The following DDHD2 variants were observed in gnomAD, a reference collection of about 807,000 sequenced individuals.
The protein encoded by DDHD2 is DDHD domain containing 2, also known as triacylglycerol hydrolase DDHD2.
DDHD2 carries 62 observed loss-of-function variants against 91.2 expected under a neutral mutation model. That is an observed-to-expected ratio of 0.68 (90% CI 0.55 to 0.84). DDHD2 has a LOEUF of 0.84. Among genes scored for constraint, DDHD2 ranks in the 40% least tolerant of loss-of-function variants. DDHD2 has a pLI of 0.00. For synonymous variants in DDHD2, 271 were observed against 293.9 expected, an observed-to-expected ratio of 0.92 and a Z score of 0.80; for missense variants, 740 against 846.9, an observed-to-expected ratio of 0.87 and a Z score of 1.57.
intron 5 of DDHD2, among the ~76,000 whole-genome samples, chr8:38,239,367 C>G (rs1805060981): frequency 1.5e-5 from 2 of 133,546 alleles, no homozygotes; most frequent in South Asian, 4.8e-4. Flanking sequence ...GAGTGAGACT[C>G]TGTCTCAAAA....
At chr8:38,269,123 T>TA in intron 1 of DDHD2, 2 of 1,523,192 alleles carry the variant, frequency 1.3e-6, no homozygotes, top group Non-Finnish European at 1.8e-6. Flanking sequence ...GGATCTTTCT[T>TA]ACAGGAAGGC....
downstream of DDHD2, chr8:38,264,254 TCTC>T: frequency 2.7e-6 from 2 of 742,096 alleles, no homozygotes; most frequent in Non-Finnish European, 3.7e-6. Flanking sequence ...TTCAAGCAAT[TCTC>T]CTACCTCAGC....
intron 5 of DDHD2, 182 bp downstream of exon 5, chr8:38,238,391 A>G: frequency 7.3e-7 from 1 of 1,372,116 alleles, no homozygotes; most frequent in South Asian, 1.5e-5. Context: ...ATGTAAAAAT[A>G]TCTTTTAAAA....
chr8:38,268,512 G>A, intron 1 of DDHD2: 2 of 1,543,912 alleles, frequency 1.3e-6, no homozygotes, highest in East Asian at 2.4e-5. Context: ...AGCCACACTC[G>A]TGCTCCTACA....
chr8:38,235,476 G>C (rs903686842), intron 3 of DDHD2, among the ~76,000 whole-genome samples: 1 of 151,622 alleles, frequency 6.6e-6, no homozygotes, highest in Admixed American at 6.6e-5. Flanking sequence ...AATCCCAGCA[G>C]TTTGGGGGGC....
At chr8:38,263,751 A>T, downstream of DDHD2, 1 of 985,444 alleles carries the variant, frequency 1.0e-6, no homozygotes, top group South Asian at 4.7e-5. Context: ...GCTATATGAA[A>T]TGGAAATTAA....
At position 38,237,599 on chromosome 8, in the gene DDHD2, G is replaced by A. The variant is rs753948540; in HGVS notation, c.473G>A (p.Arg158Lys). Residue 158 changes from arginine (R) to lysine (K), a missense_variant, in exon 4 of 18, where the codon AGA becomes AAA. Around this residue, in one of 2 missense-constraint regions of DDHD2, gnomAD observed 693 missense variants for 764.2 expected, o/e 0.91. Coordinates refer to ENST00000397166, the MANE Select transcript of DDHD2 (RefSeq NM_015214.3). ...EWKKKLESPNREIIILHNPKL... is the reference protein window; with the variant it reads ...EWKKKLESPNKEIIILHNPKL... ...AAAAAGAAACTGGAATCTCCCAACA[G>A]AGAAATTATTATTTTACACAATCCA... The A allele has an allele frequency of 6.9e-6, 11 of 1,588,130 alleles. No individual in the cohort carries two copies. The highest frequency in any genetic ancestry group is 1.8e-5 in the Admixed American group (1 of 55,838).
intron 1 of DDHD2, 47 bp downstream of exon 1, chr8:38,231,906 G>C (rs1364493900): frequency 6.5e-6 from 1 of 153,152 alleles, no homozygotes; most frequent in Non-Finnish European, 1.5e-5. Context: ...GGCCAGGCTG[G>C]GTGCAGGTGG....
At chr8:38,239,776 G>A (rs2130782334) in intron 5 of DDHD2, among the ~76,000 whole-genome samples, 1 of 147,768 alleles carries the variant, frequency 6.8e-6, no homozygotes, top group East Asian at 2.0e-4. Flanking sequence ...AGGCTGGAGT[G>A]CAGTGGTGTG....
downstream of DDHD2, among the ~76,000 whole-genome samples, chr8:38,265,816 T>C (rs1036241508): frequency 3.9e-5 from 6 of 152,252 alleles, no homozygotes; most frequent in East Asian, 1.9e-4. Context: ...ATTTTACTTA[T>C]GTTTTTGAAC....
chr8:38,239,336 T>C (rs2130779194), intron 5 of DDHD2, among the ~76,000 whole-genome samples: 1 of 145,454 alleles, frequency 6.9e-6, no homozygotes, highest in East Asian at 2.0e-4. Flanking sequence ...ATCATGCCAC[T>C]GCACTCCAGC....
At position 38,261,189 on chromosome 8, in the gene DDHD2, C is replaced by T. The variant is rs1445834090; in HGVS notation, c.*616C>T. 2 of 152,198 alleles carry T rather than the reference C, an allele frequency of 1.3e-5. No individual in the cohort carries two copies. Among genetic ancestry groups the T allele is most frequent in the African/African-American group, 4.8e-5 (2 of 41,446 alleles). 9.4% of individuals were successfully genotyped at this position (152,198 alleles called of 1,614,324 possible). On this transcript the variant is annotated 3_prime_UTR_variant, in exon 18 of 18. Transcript: ENST00000397166. ...GTGTTGTTTACTCTCTTAGAACTGACAGACTTATTGCCAGAAATCACTGAT... is the reference window on the plus strand; with the variant it reads ...GTGTTGTTTACTCTCTTAGAACTGATAGACTTATTGCCAGAAATCACTGAT...
downstream of DDHD2, chr8:38,266,066 A>G: frequency 1.4e-5 from 20 of 1,384,854 alleles, no homozygotes; most frequent in Non-Finnish European, 2.0e-5. Context: ...TTTAGTAAGC[A>G]TCTCCTCTGT....
intron 5 of DDHD2, among the ~76,000 whole-genome samples, chr8:38,239,798 C>T (rs1192785502): frequency 2.0e-5 from 3 of 146,958 alleles, no homozygotes; most frequent in Non-Finnish European, 4.5e-5. Flanking sequence ...TCTCGGCTCA[C>T]TGCAACCTCT....
intron 10 of DDHD2, among the ~76,000 whole-genome samples, chr8:38,248,874 G>C (rs1364679843): frequency 6.6e-6 from 1 of 150,752 alleles, no homozygotes; most frequent in African/African-American, 2.4e-5. Flanking sequence ...GAACCCAGGA[G>C]GTGGAGGTTG....
At chr8:38,263,954 A>T, downstream of DDHD2, 7 of 985,638 alleles carry the variant, frequency 7.1e-6, no homozygotes, top group Non-Finnish European at 8.4e-6. Flanking sequence ...CATGTGGCAT[A>T]CAGTAGTGGA....
At chr8:38,265,964 ACT>A (rs1371785344), downstream of DDHD2, among the ~76,000 whole-genome samples, 2 of 152,008 alleles carry the variant, frequency 1.3e-5, no homozygotes, top group Non-Finnish European at 1.5e-5. Context: ...TCTTTGGTAA[ACT>A]CTTTTTGTCT....
chr8:38,239,419 T>C (rs957177505), intron 5 of DDHD2, among the ~76,000 whole-genome samples: 1 of 145,462 alleles, frequency 6.9e-6, no homozygotes, highest in Non-Finnish European at 1.5e-5. Context: ...AAAGGCCAAG[T>C]GTGTTGGCTC....
intron 16 of DDHD2, among the ~76,000 whole-genome samples, chr8:38,258,946 G>T (rs1806747625): frequency 1.3e-5 from 2 of 152,146 alleles, no homozygotes; most frequent in African/African-American, 4.8e-5. Flanking sequence ...GTAATTGCTT[G>T]TGCATACGTA....
Sources: allele counts gnomAD v4.1 joint callset (sites outside exome capture counted in the v4.1 genomes callset), GRCh38; gene constraint gnomAD v4.1.1; regional missense constraint gnomAD v4.1.1; transcripts MANE v1.5; gene names NCBI Gene and HGNC (gene_info 2026-07-23, HGNC 2026-07-21).